FLNB: variants seen among roughly 807,000 people sequenced by gnomAD.
FLNB encodes filamin-B.
FLNB carries 111 observed loss-of-function variants against 250.6 expected under a neutral mutation model. That is an observed-to-expected ratio of 0.44 (90% CI 0.38 to 0.52). The LOEUF (loss-of-function observed/expected upper bound fraction) is 0.52. Among genes scored for constraint, FLNB ranks in the 20% least tolerant of loss-of-function variants. FLNB has a pLI of 0.00. For synonymous variants in FLNB, 1,302 were observed against 1,372.1 expected, an observed-to-expected ratio of 0.95 and a Z score of 1.13; for missense variants, 2,869 against 3,447.8, an observed-to-expected ratio of 0.83 and a Z score of 4.20.
intron 1 of FLNB, among the ~76,000 whole-genome samples, chr3:58,020,463 TGAGA>T (rs934719532): frequency 1.3e-5 from 2 of 152,196 alleles, no homozygotes; most frequent in Non-Finnish European, 2.9e-5. Context: ...GCACCTCTCC[TGAGA>T]GAGAAAGCTG....
chr3:58,067,581 G>T (rs3732643), intron 1 of FLNB, among the ~76,000 whole-genome samples: 68,861 of 146,326 alleles, frequency 0.47, 16,913 homozygotes, highest in African/African-American at 0.59. Context: ...GGTTTTTTTT[G>T]TTTGTTTTTT....
chr3:58,146,119 G>A, intron 33 of FLNB, 70 bp downstream of exon 33: 1 of 1,580,030 alleles, frequency 6.3e-7, no homozygotes, highest in Non-Finnish European at 8.7e-7. Context: ...CACGGTTCCA[G>A]GGTGGCTTTT....
chr3:58,149,689 A>C (rs1489252882), intron 36 of FLNB, 161 bp from the exon 37 acceptor site: 1 of 816,154 alleles, frequency 1.2e-6, no homozygotes, highest in Non-Finnish European at 2.0e-6. Flanking sequence ...CGCTTAACCT[A>C]CTCATCCCCC....
intron 1 of FLNB, among the ~76,000 whole-genome samples, chr3:58,044,215 A>G (rs2106812846): frequency 6.6e-6 from 1 of 152,216 alleles, no homozygotes; most frequent in South Asian, 2.1e-4. Flanking sequence ...TGCTTAATGA[A>G]GTTGTGATGT....
Position 58,126,703 on chromosome 3 carries a change from T to G in FLNB, c.4163T>G (p.Ile1388Ser). The change falls in exon 24 of 46, where the codon ATT becomes AGT. Residue 1388 changes from isoleucine (I) to serine (S), a missense_variant. Around this residue, in one of 5 missense-constraint regions of FLNB, gnomAD observed 1,348 missense variants for 1,466.7 expected, o/e 0.92. Transcript: ENST00000295956. ...GATGGCAGCTGCAGTGCTGAGTACA[T>G]TCCTTTCGCACCGGGGGATTACGAT... ...NKDGSCSAEY[I>S]PFAPGDYDVN... The G allele has an allele frequency of 1.2e-6, 2 of 1,614,032 alleles. No homozygotes were observed. Among genetic ancestry groups the G allele is most frequent in the Non-Finnish European group, 1.7e-6 (2 of 1,179,912 alleles).
In FLNB at chr3:58,077,080, C is replaced by T; in HGVS notation, c.327C>T (p.Leu109=). 1 of 1,614,162 alleles carries T rather than the reference C, an allele frequency of 6.2e-7. No homozygotes were observed. Among genetic ancestry groups the T allele is most frequent in the Non-Finnish European group, 8.5e-7 (1 of 1,180,014 alleles). ...CCATTGTGGATGGGAACCTGAAGCTCATCTTGGGTCTGGTGTGGACGCTGA... is the reference window on the plus strand; with the variant it reads ...CCATTGTGGATGGGAACCTGAAGCTTATCTTGGGTCTGGTGTGGACGCTGA... ...SKAIVDGNLK[L]ILGLVWTLIL... Residue 109 remains leucine (L), a synonymous_variant, in exon 2 of 46, where the codon CTC becomes CTT. Coordinates refer to ENST00000295956, the MANE Select transcript of FLNB (RefSeq NM_001457.4).
intron 1 of FLNB, among the ~76,000 whole-genome samples, chr3:58,009,234 T>A (rs2097094766): frequency 6.6e-6 from 1 of 152,122 alleles, no homozygotes; most frequent in African/African-American, 2.4e-5. Flanking sequence ...GGTCAGATGC[T>A]CCGCGGAGTG....
In FLNB at chr3:58,138,504, T is replaced by C; in HGVS notation, c.5084T>C (p.Ile1695Thr). The C allele has an allele frequency of 6.2e-7, 1 of 1,614,230 alleles. No homozygotes were observed. Among genetic ancestry groups the C allele is most frequent in the Non-Finnish European group, 8.5e-7 (1 of 1,180,030 alleles). The part of the protein sequence containing the change: ...VIYVRFGGVD[I>T]PNSPFTVMAT... ...TATGTGCGCTTCGGTGGTGTTGATA[T>C]TCCTAACAGCCCCTTCACTGTCATG... Residue 1695 changes from isoleucine (I) to threonine (T), a missense_variant, in exon 29 of 46, where the codon ATT (isoleucine) becomes ACT (threonine). By Grantham distance (89) the Ile-to-Thr change is moderately conservative. Around this residue, in one of 5 missense-constraint regions of FLNB, gnomAD observed 1,084 missense variants for 1,315.5 expected, o/e 0.82. Transcript: ENST00000295956.
chr3:58,023,278 T>C (rs1286239869), intron 1 of FLNB, among the ~76,000 whole-genome samples: 1 of 152,024 alleles, frequency 6.6e-6, no homozygotes, highest in African/African-American at 2.4e-5. Flanking sequence ...TTTGTATTTT[T>C]ATAGAGACAG....
rs1161263361 is a variant in FLNB at position 58,106,664 on chromosome 3, C to T, written c.1748-16C>T. The stretch of plus-strand genomic sequence containing the variant: ...CACCATATAACCAGGGAGACCCTTC[C>T]ACCTCCACCCCCTAGGGTTTGCCAT... On this transcript the variant is annotated splice_polypyrimidine_tract_variant and intron_variant, in intron 11 of 45. Transcript: ENST00000295956. The T allele has an allele frequency of 1.2e-6, 2 of 1,613,212 alleles. No homozygotes were observed. The highest frequency in any genetic ancestry group is 8.5e-7 in the Non-Finnish European group (1 of 1,179,262).
At chr3:58,081,902 A>C in intron 4 of FLNB, 126 bp downstream of exon 4, 1 of 1,008,342 alleles carries the variant, frequency 9.9e-7, no homozygotes, top group South Asian at 1.3e-5. Context: ...AGAGACCCCA[A>C]GCCTCCTTTG....
chr3:58,034,044 A>G (rs923564053), intron 1 of FLNB, among the ~76,000 whole-genome samples: 2 of 152,034 alleles, frequency 1.3e-5, no homozygotes, highest in Non-Finnish European at 2.9e-5. Context: ...TATTTTTAGT[A>G]GAGACGGGGT....
chr3:58,110,146 T>C lies in FLNB; in HGVS notation c.2460T>C (p.Thr820=). 6.2e-7 allele frequency: 1 copy of C among 1,614,234 alleles called. No individual in the cohort carries two copies. The highest frequency in any genetic ancestry group is 1.1e-5 in the South Asian group (1 of 91,086). The change falls in exon 16 of 46, where the codon ACT becomes ACC. Residue 820 remains threonine, a synonymous_variant. Transcript: ENST00000295956. Reference sequence around the variant, plus strand: ...TGCCTCCTGCTGCTGGGCGATACACTATCAAAGTTCTCTTTGCATCTCAGG... The same window carrying C: ...TGCCTCCTGCTGCTGGGCGATACACCATCAAAGTTCTCTTTGCATCTCAGG... ...KYVPPAAGRY[T]IKVLFASQEI...
At chr3:58,093,958 C>G (rs1198665905) in intron 4 of FLNB, among the ~76,000 whole-genome samples, 1 of 152,008 alleles carries the variant, frequency 6.6e-6, no homozygotes, top group Non-Finnish European at 1.5e-5. Flanking sequence ...GTTATCAGGG[C>G]TAAGGAGAGT....
chr3:58,024,701 C>CTTTTTTTTTTTTTT lies in FLNB; in HGVS notation c.292+15859_292+15872dup, dbSNP rs1174805764. Among the ~76,000 whole-genome samples the CTTTTTTTTTTTTTT allele has an allele frequency of 1.1e-3, 94 of 83,754 alleles. 10 individuals are homozygous for CTTTTTTTTTTTTTT. The highest frequency in any genetic ancestry group is 0.014 in the Middle Eastern group (2 of 146). The allele number at this position is 83,754 out of a possible 152,430, so 54.9% of individuals were successfully genotyped here. A position where few individuals can be genotyped will look rare whatever the true frequency, so the allele number is the denominator to read the frequency against. On this transcript the variant is annotated intron_variant, in intron 1 of 45. Coordinates refer to ENST00000295956, the MANE Select transcript of FLNB (RefSeq NM_001457.4). The stretch of plus-strand genomic sequence containing the variant: ...ATTTCTGGTCTTCTGGCCAAGCCTC[C>CTTTTTTTTTTTTTT]TTTTTTTTTTTTTTTTTTTTTTTTT...
chr3:58,121,729 T>C (rs1228547539), intron 20 of FLNB, among the ~76,000 whole-genome samples: 2 of 152,186 alleles, frequency 1.3e-5, no homozygotes, highest in Non-Finnish European at 2.9e-5. Flanking sequence ...CAGAGTCTTC[T>C]TTCTTCGCTT....
intron 29 of FLNB, among the ~76,000 whole-genome samples, chr3:58,139,000 T>G (rs1254479523): frequency 1.3e-4 from 20 of 152,220 alleles, no homozygotes. Flanking sequence ...ACTTGTGTTT[T>G]GGAAAGATTC....
At chr3:58,152,043 A>G (rs1328077633) in intron 38 of FLNB, among the ~76,000 whole-genome samples, 1 of 152,246 alleles carries the variant, frequency 6.6e-6, no homozygotes, top group African/African-American at 2.4e-5. Context: ...CTCATTTGGC[A>G]AAATTTCTGT....
intron 25 of FLNB, 23 bp from the exon 26 acceptor site, chr3:58,132,785 A>C: frequency 6.2e-7 from 1 of 1,614,044 alleles, no homozygotes; most frequent in Non-Finnish European, 8.5e-7. Flanking sequence ...GCAGCTCCTT[A>C]AACCTCTCAT....
Sources: allele counts gnomAD v4.1 joint callset (sites outside exome capture counted in the v4.1 genomes callset), GRCh38; gene constraint gnomAD v4.1.1; regional missense constraint gnomAD v4.1.1; transcripts MANE v1.5; gene names NCBI Gene and HGNC (gene_info 2026-07-23, HGNC 2026-07-21).